Variants in ELK3 observed in about 807,000 individuals in gnomAD.
ELK3 encodes the protein ETS transcription factor ELK3, also known as ETS domain-containing protein Elk-3.
Under a neutral mutation model 28.9 loss-of-function variants are expected in ELK3, and 10 were observed. That is an observed-to-expected ratio of 0.35 (90% confidence interval 0.21 to 0.59). The LOEUF (loss-of-function observed/expected upper bound fraction) is 0.59, where lower values mean the gene tolerates loss of function less well. Ranked by LOEUF, ELK3 falls within the 20% of genes least tolerant of loss-of-function variation. The probability of loss-of-function intolerance (pLI) is 0.82; values close to 1 mark genes in which losing one functional copy is unlikely to be tolerated. For synonymous variants in ELK3, 272 were observed against 243.5 expected (o/e 1.12, Z -1.09); for missense variants, 463 against 517.3 (o/e 0.90, Z 1.02).
At chr12:96,199,185 AATG>A (rs1951492584) in intron 1 of ELK3, among the ~76,000 whole-genome samples, 1 of 152,246 alleles carries the variant, frequency 6.6e-6, no homozygotes, top group Non-Finnish European at 1.5e-5. Flanking sequence ...TAGAATGTTA[AATG>A]ATGAAGAGAA....
intron 1 of ELK3, among the ~76,000 whole-genome samples, chr12:96,211,632 T>C (rs1951580573): frequency 6.6e-6 from 1 of 152,154 alleles, no homozygotes; most frequent in Admixed American, 6.6e-5. Context: ...TTCAACTTAA[T>C]AGTTGTGATA....
intron 1 of ELK3, among the ~76,000 whole-genome samples, chr12:96,209,393 A>G (rs1951561625): frequency 6.6e-6 from 1 of 152,214 alleles, no homozygotes; most frequent in Non-Finnish European, 1.5e-5. Context: ...TTTCAACACA[A>G]TAGAAGAGTT....
Position 96,198,754 on chromosome 12 carries a change from T to G in ELK3, c.-3+4049T>G, listed in dbSNP as rs190184660. On this transcript the variant is annotated intron_variant, in intron 1 of 4. Coordinates refer to ENST00000228741, the MANE Select transcript of ELK3 (RefSeq NM_005230.4). Reference sequence around the variant, plus strand: ...CCACTGTTTACCTTTTGATGTGTAATTGTTCAGTTTTTTAAAAAAATGCAT... The same window carrying G: ...CCACTGTTTACCTTTTGATGTGTAAGTGTTCAGTTTTTTAAAAAAATGCAT... Among the ~76,000 whole-genome samples, 9 of 152,348 alleles carry G rather than the reference T, an allele frequency of 5.9e-5. No homozygotes were observed. In the East Asian group the frequency reaches 1.2e-3, roughly 20 times the overall value.
intron 2 of ELK3, among the ~76,000 whole-genome samples, chr12:96,231,062 C>T (rs1951738527): frequency 6.6e-6 from 1 of 152,160 alleles, no homozygotes; most frequent in Admixed American, 6.5e-5. Flanking sequence ...GGGGCAGAAA[C>T]CAGAGTCCGT....
At chr12:96,256,818 G>A (rs1951952861) in intron 3 of ELK3, among the ~76,000 whole-genome samples, 1 of 152,188 alleles carries the variant, frequency 6.6e-6, no homozygotes, top group Non-Finnish European at 1.5e-5. Flanking sequence ...AGGAAGGCAA[G>A]AGGAGGAGGC....
chr12:96,203,711 C>T (rs1037188945), intron 1 of ELK3, among the ~76,000 whole-genome samples: 2 of 152,148 alleles, frequency 1.3e-5, no homozygotes, highest in African/African-American at 4.8e-5. Flanking sequence ...GAGGCCGAGG[C>T]GGGCAGATCA....
intron 1 of ELK3, among the ~76,000 whole-genome samples, chr12:96,208,726 T>C (rs1255627204): frequency 1.3e-5 from 2 of 152,188 alleles, no homozygotes; most frequent in African/African-American, 2.4e-5. Flanking sequence ...GCAGAAGTCA[T>C]GCTCACACCA....
chr12:96,218,261 G>C (rs1951634535), intron 1 of ELK3, among the ~76,000 whole-genome samples: 1 of 152,200 alleles, frequency 6.6e-6, no homozygotes, highest in South Asian at 2.1e-4. Flanking sequence ...GGTGAGGTCA[G>C]AGGAATCCAG....
Position 96,247,197 on chromosome 12 carries a change from A to G in ELK3, c.465A>G (p.Pro155=), listed in dbSNP as rs910759899. 6.2e-7 allele frequency: 1 copy of G among 1,614,174 alleles called. No homozygotes were observed. Among genetic ancestry groups the G allele is most frequent in the Admixed American group, 1.7e-5 (1 of 60,022 alleles). The change falls in exon 3 of 5, where the codon CCA becomes CCG. Residue 155 remains proline, a synonymous_variant. Transcript: ENST00000228741. This position sits in a 1 kb window ranked among gnomAD's most constrained non-coding sequence, Gnocchi z 5.5. Reference sequence around the variant, plus strand: ...CCATTAATTCCCTGCAGAACCCACCAGACGCCTTCAAGGCCATCAAGACGG... The same window carrying G: ...CCATTAATTCCCTGCAGAACCCACCGGACGCCTTCAAGGCCATCAAGACGG... ...SFTINSLQNP[P]DAFKAIKTEK...
At chr12:96,216,964 T>G (rs1376358068) in intron 1 of ELK3, among the ~76,000 whole-genome samples, 1 of 152,136 alleles carries the variant, frequency 6.6e-6, no homozygotes, top group Non-Finnish European at 1.5e-5. Flanking sequence ...TTATAGAAAA[T>G]AGCTAAACAG....
intron 1 of ELK3, among the ~76,000 whole-genome samples, chr12:96,210,596 CA>C (rs373934787): frequency 1.3e-5 from 2 of 151,466 alleles, no homozygotes; most frequent in Non-Finnish European, 2.9e-5. Flanking sequence ...CACACACACA[CA>C]CCCCGAGTGG....
intron 4 of ELK3, among the ~76,000 whole-genome samples, chr12:96,265,027 T>G (rs911008049): frequency 6.6e-6 from 1 of 152,134 alleles, no homozygotes; most frequent in African/African-American, 2.4e-5. Flanking sequence ...TCTCACTGAC[T>G]TGGAGTAAGC....
rs558174198 is a variant in ELK3, at chr12:96,239,969, T to C, written c.208-6971T>C. Among the ~76,000 whole-genome samples the C allele has an allele frequency of 8.7e-4, 132 of 152,378 alleles. 2 individuals are homozygous for C. The South Asian group carries it at 9.9e-3, about 11-fold the overall frequency. On this transcript the variant is annotated intron_variant, in intron 2 of 4. Coordinates refer to ENST00000228741, the MANE Select transcript of ELK3 (RefSeq NM_005230.4). ...GCGGAGCACTTGGATCTAGCAGTTA[T>C]TCACATCTGCGGCTCCGTGTGTCCC... is the stretch of plus-strand genomic sequence containing the variant.
intron 4 of ELK3, 28 bp from the exon 5 acceptor site, chr12:96,267,051 AATT>A (rs1565795391): frequency 2.5e-6 from 4 of 1,585,086 alleles, no homozygotes; most frequent in Non-Finnish European, 3.4e-6. Flanking sequence ...GATTTGCAAT[AATT>A]ATTGTAAAAA....
intron 2 of ELK3, among the ~76,000 whole-genome samples, chr12:96,234,429 A>G (rs1951765882): frequency 6.6e-6 from 1 of 152,144 alleles, no homozygotes; most frequent in African/African-American, 2.4e-5. Context: ...GAGCTGCAGG[A>G]AAATTTAGTG....
At chr12:96,222,617 C>T (rs538827496) in intron 1 of ELK3, among the ~76,000 whole-genome samples, 65 of 152,268 alleles carry the variant, frequency 4.3e-4, no homozygotes, top group Middle Eastern at 3.4e-3. Flanking sequence ...CCAGCAAAGT[C>T]CTTTCCTCGT....
chr12:96,212,449 A>T (rs1289959923), intron 1 of ELK3, among the ~76,000 whole-genome samples: 1 of 152,070 alleles, frequency 6.6e-6, no homozygotes, highest in Non-Finnish European at 1.5e-5. Context: ...GGTTGTAGGA[A>T]CCTCTGTTTT....
chr12:96,261,501 G>A (rs1201874728), intron 4 of ELK3, among the ~76,000 whole-genome samples: 3 of 152,172 alleles, frequency 2.0e-5, no homozygotes, highest in Non-Finnish European at 4.4e-5. Flanking sequence ...TAGAGCAGCA[G>A]AATTCTAAAA....
chr12:96,225,933 G>T (rs1178740630), intron 2 of ELK3, among the ~76,000 whole-genome samples: 2 of 152,254 alleles, frequency 1.3e-5, no homozygotes, highest in South Asian at 4.1e-4. Flanking sequence ...AGGAGTCTGA[G>T]ACCAGCCTGG....
Sources: allele counts gnomAD v4.1 joint callset (sites outside exome capture counted in the v4.1 genomes callset), GRCh38; gene constraint gnomAD v4.1.1; non-coding constraint Gnocchi (gnomAD v3.1); transcripts MANE v1.5; gene names NCBI Gene and HGNC (gene_info 2026-07-23, HGNC 2026-07-21).